The following VPS13B variants were observed in gnomAD, a reference collection of about 807,000 sequenced individuals.
VPS13B encodes intermembrane lipid transfer protein VPS13B.
Under a neutral mutation model 426.4 loss-of-function variants are expected in VPS13B, and 285 were observed. The ratio of observed to expected loss-of-function variants is 0.67; its 90% CI spans 0.61 to 0.74. The LOEUF (loss-of-function observed/expected upper bound fraction) is 0.74, where lower values mean the gene tolerates loss of function less well. Ranked by LOEUF, VPS13B falls within the 30% of genes least tolerant of loss-of-function variation. The pLI, the probability that VPS13B is intolerant of heterozygous loss-of-function variation, is 0.00. For missense variants in VPS13B, 4,537 were observed against 4,782.6 expected (o/e 0.95, Z 1.51); for synonymous variants, 1,676 against 1,676.4 (o/e 1.00, Z 0.01).
intron 33 of VPS13B, among the ~76,000 whole-genome samples, chr8:99,638,807 T>C (rs1353027715): frequency 6.6e-6 from 1 of 152,158 alleles, no homozygotes; most frequent in East Asian, 1.9e-4. Flanking sequence ...TCCATTTACA[T>C]TTCTTTATAT....
At chr8:99,240,005 T>C (rs571682177) in intron 17 of VPS13B, among the ~76,000 whole-genome samples, 2 of 152,284 alleles carry the variant, frequency 1.3e-5, no homozygotes, top group Admixed American at 6.5e-5. Flanking sequence ...AGTCCCTTTA[T>C]GCATTCCAGA....
At chr8:99,161,479 T>G (rs1811645373) in intron 15 of VPS13B, among the ~76,000 whole-genome samples, 1 of 152,244 alleles carries the variant, frequency 6.6e-6, no homozygotes, top group South Asian at 2.1e-4. Context: ...TCACGATTTC[T>G]ACTTGTCAAT....
At chr8:99,031,134 A>C (rs964616319) in intron 2 of VPS13B, among the ~76,000 whole-genome samples, 2 of 152,028 alleles carry the variant, frequency 1.3e-5, no homozygotes, top group Admixed American at 1.3e-4. Context: ...CAAAAGACTT[A>C]TGTTCAAGTT....
intron 33 of VPS13B, among the ~76,000 whole-genome samples, chr8:99,632,972 T>C (rs1828909376): frequency 1.3e-5 from 2 of 151,950 alleles, no homozygotes; most frequent in Non-Finnish European, 2.9e-5. Context: ...TTAAATTAAA[T>C]AGAATAAGTA....
At chr8:99,756,175 T>C (rs1810632547) in intron 39 of VPS13B, among the ~76,000 whole-genome samples, 2 of 152,164 alleles carry the variant, frequency 1.3e-5, no homozygotes, top group Non-Finnish European at 2.9e-5. Flanking sequence ...TAAAAACAAG[T>C]ACAAATTCCA....
intron 19 of VPS13B, among the ~76,000 whole-genome samples, chr8:99,311,280 C>G (rs181592432): frequency 3.9e-5 from 6 of 152,304 alleles, no homozygotes; most frequent in Admixed American, 3.9e-4. Flanking sequence ...GATTTTAGAT[C>G]TTTCCTGCTT....
intron 54 of VPS13B, among the ~76,000 whole-genome samples, chr8:99,842,755 G>T (rs1408208787): frequency 6.6e-6 from 1 of 152,138 alleles, no homozygotes; most frequent in Non-Finnish European, 1.5e-5. Flanking sequence ...ACATAGAAAA[G>T]CAGAAGTTAT....
At chr8:99,475,699 G>T (rs1563750690) in intron 24 of VPS13B, among the ~76,000 whole-genome samples, 2 of 152,216 alleles carry the variant, frequency 1.3e-5, no homozygotes, top group East Asian at 3.9e-4. Flanking sequence ...CAGCTAGATG[G>T]GGCTTGTGTT....
intron 22 of VPS13B, among the ~76,000 whole-genome samples, chr8:99,438,358 T>A (rs1261705055): frequency 3.3e-5 from 5 of 152,126 alleles, no homozygotes; most frequent in Non-Finnish European, 7.4e-5. Flanking sequence ...TGGCCTTTAT[T>A]TTCAGGATTA....
At chr8:99,858,993 G>A (rs951761053) in intron 56 of VPS13B, among the ~76,000 whole-genome samples, 2 of 152,186 alleles carry the variant, frequency 1.3e-5, no homozygotes, top group Non-Finnish European at 2.9e-5. Context: ...CCCTTCCTCA[G>A]GTGGTAGCAG....
intron 33 of VPS13B, among the ~76,000 whole-genome samples, chr8:99,639,995 T>G (rs1271456267): frequency 2.6e-4 from 8 of 30,712 alleles, no homozygotes; most frequent in African/African-American, 1.2e-3. Context: ...GTAATAATAA[T>G]AATAATAATA....
At chr8:99,276,093 T>TC (rs1383793636) in intron 19 of VPS13B, among the ~76,000 whole-genome samples, 1 of 152,158 alleles carries the variant, frequency 6.6e-6, no homozygotes, top group Non-Finnish European at 1.5e-5. Context: ...ACTAGTATGT[T>TC]CAAGTGGAAA....
chr8:99,198,040 A>G (rs1814046689), intron 17 of VPS13B, among the ~76,000 whole-genome samples: 1 of 152,186 alleles, frequency 6.6e-6, no homozygotes, highest in Admixed American at 6.5e-5. Context: ...ACACACTTTG[A>G]AAAAATGAGG....
chr8:99,444,245 C>T (rs1817810495), intron 23 of VPS13B, among the ~76,000 whole-genome samples: 1 of 152,004 alleles, frequency 6.6e-6, no homozygotes, highest in Non-Finnish European at 1.5e-5. Context: ...ACTACAGGCA[C>T]TTGCCACCAC....
chr8:99,062,840 A>G (rs1044367733), intron 3 of VPS13B, among the ~76,000 whole-genome samples: 2 of 152,214 alleles, frequency 1.3e-5, no homozygotes, highest in Admixed American at 6.5e-5. Context: ...AGGTATTCAG[A>G]TATTTTCTTA....
intron 27 of VPS13B, among the ~76,000 whole-genome samples, chr8:99,505,436 A>G (rs1821448112): frequency 2.6e-5 from 4 of 152,186 alleles, no homozygotes; most frequent in Admixed American, 6.6e-5. Flanking sequence ...TTGTAGGGTT[A>G]TTAATTGGCT....
intron 42 of VPS13B, among the ~76,000 whole-genome samples, chr8:99,781,175 T>C (rs2130690353): frequency 6.6e-6 from 1 of 152,316 alleles, no homozygotes; most frequent in East Asian, 1.9e-4. Flanking sequence ...GTGTCTGATT[T>C]CTCTGGCTAT....
intron 17 of VPS13B, among the ~76,000 whole-genome samples, chr8:99,259,724 C>G (rs1426459571): frequency 6.6e-6 from 1 of 152,024 alleles, no homozygotes; most frequent in Admixed American, 6.6e-5. Flanking sequence ...AAAATGTGAT[C>G]CTTAGTGGGC....
At chr8:99,868,180 G>C in intron 58 of VPS13B, 109 bp from the exon 59 acceptor site, 1 of 1,379,678 alleles carries the variant, frequency 7.2e-7, no homozygotes, top group Non-Finnish European at 1.0e-6. Flanking sequence ...CCTTTATAAT[G>C]AGGGTGGGGA....
Sources: gnomAD v4.1 joint callset for allele counts (sites outside exome capture counted in the v4.1 genomes callset) on GRCh38, gnomAD v4.1.1 for gene constraint, MANE v1.5 for transcripts, NCBI Gene and HGNC (gene_info 2026-07-23, HGNC 2026-07-21) for gene names.